Variants in DPP6 observed in about 807,000 individuals in gnomAD.
DPP6 encodes the protein A-type potassium channel modulatory protein DPP6.
DPP6 carries 69 observed loss-of-function variants against 122.6 expected under a neutral mutation model. That is an observed-to-expected ratio of 0.56 (90% CI 0.46 to 0.69). DPP6 has a LOEUF of 0.69. Ranked by LOEUF, DPP6 falls within the 30% of genes least tolerant of loss-of-function variation. The pLI is 0.00. For missense variants in DPP6, 928 were observed against 1,116.9 expected (o/e 0.83, Z 2.41); for synonymous variants, 418 against 433.1 (o/e 0.97, Z 0.43).
chr7:154,160,407 A>G (rs1368409185), intron 1 of DPP6, among the ~76,000 whole-genome samples: 2 of 152,228 alleles, frequency 1.3e-5, no homozygotes, highest in Non-Finnish European at 2.9e-5. Flanking sequence ...CAGGCTTTCT[A>G]AAGTCATCAT....
At chr7:154,348,609 A>G (rs1461026306) in intron 1 of DPP6, among the ~76,000 whole-genome samples, 1 of 152,194 alleles carries the variant, frequency 6.6e-6, no homozygotes, top group Non-Finnish European at 1.5e-5. Flanking sequence ...CAGCATCTTC[A>G]TCTCAGGAAG....
the DPP6 span, among the ~76,000 whole-genome samples, chr7:153,796,690 A>G: frequency 1.3e-5 from 2 of 152,204 alleles, no homozygotes; most frequent in African/African-American, 4.8e-5. Context: ...GGTGGCCTAG[A>G]GACTGAGTTC....
chr7:153,914,893 C>T (rs1269331929), intron 1 of DPP6, among the ~76,000 whole-genome samples: 2 of 152,192 alleles, frequency 1.3e-5, no homozygotes, highest in Non-Finnish European at 2.9e-5. Context: ...CTCACCTCTC[C>T]CATCTCTCCC....
chr7:154,540,069 A>G (rs1828594842), intron 3 of DPP6, among the ~76,000 whole-genome samples: 1 of 142,806 alleles, frequency 7.0e-6, no homozygotes, highest in Non-Finnish European at 1.5e-5. Context: ...GGCAGCGAAG[A>G]GCTAATTCCT....
intron 1 of DPP6, among the ~76,000 whole-genome samples, chr7:154,096,697 G>A (rs1476462023): frequency 1.3e-5 from 2 of 151,824 alleles, no homozygotes; most frequent in African/African-American, 4.8e-5. Flanking sequence ...ACTACATATA[G>A]AGACCAAATC....
chr7:154,623,655 G>GCGCGCGCACACACACGCA (rs1834876079), intron 5 of DPP6, among the ~76,000 whole-genome samples: 4 of 23,504 alleles, frequency 1.7e-4, no homozygotes, highest in African/African-American at 2.0e-4. Context: ...GCACACACGC[G>GCGCGCGCACACACACGCA]CACACACACG....
At chr7:154,240,868 T>A (rs1801548173) in intron 1 of DPP6, among the ~76,000 whole-genome samples, 1 of 152,202 alleles carries the variant, frequency 6.6e-6, no homozygotes, top group Admixed American at 6.5e-5. Flanking sequence ...GACAGTGAGG[T>A]TTGACCACTT....
At chr7:154,819,120 A>G (rs1178591287) in intron 16 of DPP6, among the ~76,000 whole-genome samples, 1 of 152,210 alleles carries the variant, frequency 6.6e-6, no homozygotes, top group African/African-American at 2.4e-5. Flanking sequence ...ATGTCCATTA[A>G]AAATAAATAA....
chr7:154,501,170 TG>T (rs1408651171), intron 3 of DPP6, among the ~76,000 whole-genome samples: 1 of 152,154 alleles, frequency 6.6e-6, no homozygotes, highest in Non-Finnish European at 1.5e-5. Context: ...AGAGGTGACC[TG>T]GGTGCTATTA....
chr7:153,955,375 A>T (rs1236941613), intron 1 of DPP6, among the ~76,000 whole-genome samples: 1 of 152,176 alleles, frequency 6.6e-6, no homozygotes, highest in East Asian at 1.9e-4. Context: ...TTTGTGCTTT[A>T]TATGTGTTAC....
intron 1 of DPP6, among the ~76,000 whole-genome samples, chr7:154,188,628 T>G (rs1585586266): frequency 6.6e-6 from 1 of 152,326 alleles, no homozygotes; most frequent in African/African-American, 2.4e-5. Flanking sequence ...AGTTGAGTTT[T>G]GCGAGTGAGC....
At chr7:153,946,189 T>G (rs1801939458) in intron 1 of DPP6, among the ~76,000 whole-genome samples, 1 of 152,108 alleles carries the variant, frequency 6.6e-6, no homozygotes, top group African/African-American at 2.4e-5. Flanking sequence ...TAGAGTAAAG[T>G]GAAACTTGAT....
chr7:154,075,424 G>A (rs1402354365), intron 1 of DPP6, among the ~76,000 whole-genome samples: 2 of 151,568 alleles, frequency 1.3e-5, no homozygotes, highest in Admixed American at 1.3e-4. Flanking sequence ...CATCAACCAA[G>A]GAGTAGAGAA....
intron 2 of DPP6, among the ~76,000 whole-genome samples, chr7:154,468,126 G>A (rs1420860949): frequency 1.3e-5 from 2 of 152,170 alleles, no homozygotes; most frequent in African/African-American, 2.4e-5. Context: ...CTATAAAAAG[G>A]AATGAAGTAG....
chr7:154,281,945 A>T (rs1365304473), intron 1 of DPP6, among the ~76,000 whole-genome samples: 1 of 152,150 alleles, frequency 6.6e-6, no homozygotes, highest in Non-Finnish European at 1.5e-5. Context: ...GAAGAAGATG[A>T]TATGGTATGG....
At chr7:154,349,122 G>T (rs1261410904) in intron 1 of DPP6, among the ~76,000 whole-genome samples, 1 of 152,242 alleles carries the variant, frequency 6.6e-6, no homozygotes, top group African/African-American at 2.4e-5. Flanking sequence ...GAGGAAGGGG[G>T]TGACATGTGG....
intron 3 of DPP6, among the ~76,000 whole-genome samples, chr7:154,529,605 C>T (rs1044751760): frequency 6.6e-6 from 1 of 152,108 alleles, no homozygotes; most frequent in African/African-American, 2.4e-5. Context: ...CTGGAACTGA[C>T]AAAGATTTTT....
intron 1 of DPP6, among the ~76,000 whole-genome samples, chr7:154,265,742 G>A (rs945726784): frequency 6.7e-6 from 1 of 148,624 alleles, no homozygotes; most frequent in African/African-American, 2.4e-5. Flanking sequence ...TTATTATATT[G>A]TAGTATATTA....
At chr7:153,897,133 C>T (rs919761160) in intron 1 of DPP6, among the ~76,000 whole-genome samples, 31 of 152,144 alleles carry the variant, frequency 2.0e-4, no homozygotes, top group African/African-American at 6.5e-4. Flanking sequence ...GTTGGAAAGA[C>T]AGATATTAGT....
Sources: gnomAD v4.1 joint callset for allele counts (sites outside exome capture counted in the v4.1 genomes callset) on GRCh38, gnomAD v4.1.1 for gene constraint, MANE v1.5 for transcripts, NCBI Gene and HGNC (gene_info 2026-07-23, HGNC 2026-07-21) for gene names.